SLC6A6: variants seen among roughly 807,000 people sequenced by gnomAD.
SLC6A6 encodes the protein sodium- and chloride-dependent taurine transporter.
A neutral mutation model predicts 68.8 loss-of-function variants in SLC6A6; 16 were observed. That is an observed-to-expected ratio of 0.23 (90% CI 0.16 to 0.35). The LOEUF is 0.35. Ranked by LOEUF, SLC6A6 falls within the 10% of genes least tolerant of loss-of-function variation. The pLI is 1.00. For missense variants in SLC6A6, 474 were observed against 802.8 expected, an observed-to-expected ratio of 0.59 and a Z score of 4.95; for synonymous variants, 312 against 315.4, an observed-to-expected ratio of 0.99 and a Z score of 0.12.
chr3:14,456,523 A>C (rs527686600), intron 5 of SLC6A6, among the ~76,000 whole-genome samples: 119 of 152,350 alleles, frequency 7.8e-4, no homozygotes, highest in South Asian at 6.8e-3. Flanking sequence ...TGAGAAGGGA[A>C]TCTTGGATTT....
Position 14,486,538 on chromosome 3 carries a change from G to A in SLC6A6, c.*1531G>A, listed in dbSNP as rs1019677784. On this transcript the variant is annotated 3_prime_UTR_variant, in exon 15 of 15. Transcript: ENST00000622186. ...AAGGGCCTTATGTGGAGCAGAGGTT[G>A]TCTCTGAACCAGGAGAGAAGGTACT... The A allele has an allele frequency of 6.6e-6, 1 of 152,628 alleles. No individual in the cohort carries two copies. Among genetic ancestry groups the A allele is most frequent in the Non-Finnish European group, 1.5e-5 (1 of 68,076 alleles). The allele number at this position is 152,628 out of a possible 1,614,324, so 9.5% of individuals were successfully genotyped here.
Position 14,481,626 on chromosome 3 carries a change from CCGATG to C in SLC6A6, c.1552-43_1552-39del. On this transcript the variant is annotated intron_variant, in intron 13 of 14. Coordinates refer to ENST00000622186, the MANE Select transcript of SLC6A6 (RefSeq NM_003043.6). The surrounding 1 kb of genome is among the most constrained non-coding windows in gnomAD (Gnocchi z 4.7). ...CCTAGTCCCAGAAGCCCCCCACCCC[CCGATG>C]CCCAGGACCCCTCTCCTGACTGCCC... is the stretch of plus-strand genomic sequence containing the variant. 2.9e-6 allele frequency: 4 copies of C among 1,400,670 alleles called. No homozygotes were observed. The highest frequency in any genetic ancestry group is 4.0e-6 in the Non-Finnish European group (4 of 1,004,248). The allele number at this position is 1,400,670 out of a possible 1,614,324, so 86.8% of individuals were successfully genotyped here.
At chr3:14,416,026 G>A (rs2124904754) in intron 1 of SLC6A6, among the ~76,000 whole-genome samples, 1 of 152,302 alleles carries the variant, frequency 6.6e-6, no homozygotes, top group Admixed American at 6.5e-5. Context: ...GCAATGTGAT[G>A]GTTCTTGCTG....
At chr3:14,449,986 A>G (rs929135831) in intron 5 of SLC6A6, among the ~76,000 whole-genome samples, 2 of 152,142 alleles carry the variant, frequency 1.3e-5, no homozygotes, top group East Asian at 1.9e-4. Flanking sequence ...TCCTGACCTC[A>G]TGATCTGCCT....
At chr3:14,431,848 A>G (rs1451226598) in intron 2 of SLC6A6, among the ~76,000 whole-genome samples, 2 of 152,168 alleles carry the variant, frequency 1.3e-5, no homozygotes, top group East Asian at 3.9e-4. Context: ...AGGGGGAAAA[A>G]CATGTTTAAA....
chr3:14,484,844 T>G, intron 14 of SLC6A6, 23 bp from the exon 15 acceptor site: 1 of 1,608,754 alleles, frequency 6.2e-7, no homozygotes, highest in Non-Finnish European at 8.5e-7. Flanking sequence ...GTTTCCCCCC[T>G]CACTCCTGTC....
rs2124982924 is a variant in SLC6A6, at chr3:14,468,852, G to A, written c.1096+640G>A. ...CCTGTTGACCAGGCACTCTTCCTCG[G>A]GCTACCTGGAGTCACAGGCATGGAG... On this transcript the variant is annotated intron_variant, in intron 9 of 14. Coordinates refer to ENST00000622186, the MANE Select transcript of SLC6A6 (RefSeq NM_003043.6). The surrounding 1 kb of genome is among the most constrained non-coding windows in gnomAD (Gnocchi z 4.5). Among the ~76,000 whole-genome samples, 1 of 152,264 alleles carries A rather than the reference G, an allele frequency of 6.6e-6. No homozygotes were observed. Among genetic ancestry groups the A allele is most frequent in the East Asian group, 1.9e-4 (1 of 5,182 alleles).
chr3:14,466,077 C>T (rs182536290), intron 6 of SLC6A6, among the ~76,000 whole-genome samples: 2 of 151,948 alleles, frequency 1.3e-5, no homozygotes, highest in East Asian at 1.9e-4. Context: ...GCCTGGCCAA[C>T]CTGGTGAAAC....
At chr3:14,464,850 G>T (rs1268550124) in intron 6 of SLC6A6, among the ~76,000 whole-genome samples, 1 of 152,228 alleles carries the variant, frequency 6.6e-6, no homozygotes, top group Non-Finnish European at 1.5e-5. Flanking sequence ...GCGGCCCAGG[G>T]CTCTGCCAAC....
At chr3:14,475,284 G>C (rs1350659252) in intron 10 of SLC6A6, among the ~76,000 whole-genome samples, 1 of 151,490 alleles carries the variant, frequency 6.6e-6, no homozygotes, top group Non-Finnish European at 1.5e-5. Context: ...TGCCTGCCTT[G>C]GCCTCCCAAA....
chr3:14,463,683 C>T (rs545304224), intron 6 of SLC6A6, among the ~76,000 whole-genome samples: 6 of 152,230 alleles, frequency 3.9e-5, no homozygotes, highest in Non-Finnish European at 7.3e-5. Flanking sequence ...TTCTTTCCCC[C>T]CTTCTGTGGC....
rs1029834315 is a variant in SLC6A6 at position 14,440,129 on chromosome 3, AC to A, written c.-11-3488del. Among the ~76,000 whole-genome samples, 15 of 151,428 alleles carry A rather than the reference AC, an allele frequency of 9.9e-5. No individual in the cohort carries two copies. The East Asian group carries it at 1.2e-3, about 12-fold the overall frequency. ...ATCTTGTTCTAAGCACCTCCTGTGC[AC>A]CCCCCCTCATTTAACCCTCACAACA... is the stretch of plus-strand genomic sequence containing the variant. On this transcript the variant is annotated intron_variant, in intron 2 of 14. Coordinates refer to ENST00000622186, the MANE Select transcript of SLC6A6 (RefSeq NM_003043.6).
chr3:14,433,141 G>C (rs1017287991), intron 2 of SLC6A6, among the ~76,000 whole-genome samples: 1 of 152,158 alleles, frequency 6.6e-6, no homozygotes, highest in Non-Finnish European at 1.5e-5. Flanking sequence ...CAGTACCCCT[G>C]TGATGGCCCT....
At chr3:14,482,749 CT>C in intron 14 of SLC6A6, among the ~76,000 whole-genome samples, 1 of 152,182 alleles carries the variant, frequency 6.6e-6, no homozygotes, top group South Asian at 2.1e-4. Flanking sequence ...GGGGGGGCCC[CT>C]GGGGTTATCC....
chr3:14,421,786 TG>T (rs1293190888), intron 2 of SLC6A6, among the ~76,000 whole-genome samples: 19 of 152,164 alleles, frequency 1.2e-4, no homozygotes, highest in South Asian at 2.1e-4. Flanking sequence ...GTCAGCCACG[TG>T]TCAGGACAGG....
chr3:14,403,116 G>A (rs991275992), intron 1 of SLC6A6, among the ~76,000 whole-genome samples: 3 of 110,616 alleles, frequency 2.7e-5, no homozygotes, highest in Non-Finnish European at 3.9e-5. Context: ...GTGTGTGTGT[G>A]TGTGTGTGGC....
chr3:14,485,173 TGTGTATC>T lies in SLC6A6; in HGVS notation c.*171_*177del. 6.0e-6 allele frequency: 3 copies of T among 497,230 alleles called. No individual in the cohort carries two copies. Among genetic ancestry groups the T allele is most frequent in the Non-Finnish European group, 1.1e-5 (3 of 285,418 alleles). The allele number at this position is 497,230 out of a possible 1,614,324, so 30.8% of individuals were successfully genotyped here. On this transcript the variant is annotated 3_prime_UTR_variant, in exon 15 of 15. Coordinates refer to ENST00000622186, the MANE Select transcript of SLC6A6 (RefSeq NM_003043.6). Reference sequence around the variant, plus strand: ...ATGTGTGCGTGCGTGTGTGTGTGTGTGTGTATCGTGTGTGTGTGTTTTGTTTTGATTT... The same window carrying T: ...ATGTGTGCGTGCGTGTGTGTGTGTGTGTGTGTGTGTGTTTTGTTTTGATTT...
rs145549562 is a variant in SLC6A6 at position 14,468,342 on chromosome 3, C to CCA, written c.1096+131_1096+132insAC. ...GCCTGGTTTCTAAAATGGACCCCCC[C>CCA]CCCGCCACCAAGATATCCCCCAAAT... On this transcript the variant is annotated intron_variant, in intron 9 of 14. Transcript: ENST00000622186. The surrounding 1 kb of genome is among the most constrained non-coding windows in gnomAD (Gnocchi z 4.5). 2.3e-3 allele frequency: 1,701 copies of CCA among 735,536 alleles called. 32 individuals are homozygous for CCA. In the African/African-American group the frequency reaches 0.028, roughly 12 times the overall value. The allele number at this position is 735,536 out of a possible 1,614,324, so 45.6% of individuals were successfully genotyped here.
intron 2 of SLC6A6, 142 bp downstream of exon 2, chr3:14,416,595 C>T (rs953946480): frequency 3.5e-5 from 14 of 395,358 alleles, no homozygotes; most frequent in African/African-American, 2.7e-4. Flanking sequence ...ACCTTGTCCA[C>T]ACCTCACCTC....
Sources: allele counts gnomAD v4.1 joint callset (sites outside exome capture counted in the v4.1 genomes callset), GRCh38; gene constraint gnomAD v4.1.1; non-coding constraint Gnocchi (gnomAD v3.1); transcripts MANE v1.5; gene names NCBI Gene and HGNC (gene_info 2026-07-23, HGNC 2026-07-21).